HDGF: variants seen among roughly 807,000 people sequenced by gnomAD.
HDGF encodes hepatoma-derived growth factor.
In HDGF, 5 loss-of-function variants were observed where a neutral mutation model predicts 30.0. That is an observed-to-expected ratio of 0.17 (90% CI 0.09 to 0.35). The LOEUF is 0.35. Ranked by LOEUF, HDGF falls within the 10% of genes least tolerant of loss-of-function variation. HDGF has a pLI of 1.00. For synonymous variants in HDGF, 133 were observed against 112.7 expected (o/e 1.18, Z -1.14); for missense variants, 214 against 302.8 (o/e 0.71, Z 2.18).
At chr1:156,745,443 C>T (rs1650465075) in intron 1 of HDGF, 70 bp from the exon 2 acceptor site, 7 of 1,273,950 alleles carry the variant, frequency 5.5e-6, no homozygotes, top group Non-Finnish European at 7.9e-6. Context: ...GGGTGCTGAC[C>T]TCCAAGGCAC....
intron 1 of HDGF, among the ~76,000 whole-genome samples, chr1:156,761,403 G>C (rs1274657585): frequency 2.7e-5 from 4 of 150,480 alleles, no homozygotes. Flanking sequence ...GAGGTCAGGA[G>C]TTCAAGACCA....
In HDGF at chr1:156,751,633, C is replaced by T; in HGVS notation, c.-204G>A. 1 of 996,086 alleles carries T rather than the reference C, an allele frequency of 1.0e-6. No homozygotes were observed. The highest frequency in any genetic ancestry group is 1.2e-6 in the Non-Finnish European group (1 of 837,744). 61.7% of individuals were successfully genotyped at this position (996,086 alleles called of 1,614,324 possible). On this transcript the variant is annotated 5_prime_UTR_variant, in exon 1 of 6. Transcript: ENST00000357325. This position sits in a 1 kb window ranked among gnomAD's most constrained non-coding sequence, Gnocchi z 4.7. ...GGGGCGGGCGCGGATCGGGGCAAGG[C>T]TCCGGCGCGGTGGGTGCGCGCTCGT...
chr1:156,757,201 C>T (rs1307677673), upstream of HDGF, among the ~76,000 whole-genome samples: 1 of 152,070 alleles, frequency 6.6e-6, no homozygotes, highest in African/African-American at 2.4e-5. Context: ...TGTGGTGGCT[C>T]ACGCCTGTAA....
chr1:156,745,424 C>T, intron 1 of HDGF, 51 bp from the exon 2 acceptor site: 1 of 1,523,614 alleles, frequency 6.6e-7, no homozygotes, highest in Non-Finnish European at 9.0e-7. Context: ...GGTTTTGAGC[C>T]TGAGGCAGGG....
chr1:156,747,716 G>A (rs1371119430), intron 1 of HDGF, among the ~76,000 whole-genome samples: 1 of 152,172 alleles, frequency 6.6e-6, no homozygotes, highest in African/African-American at 2.4e-5. Context: ...ACCTGAGCCA[G>A]GGCATTAAGA....
At chr1:156,749,921 C>G (rs1008504616) in intron 1 of HDGF, among the ~76,000 whole-genome samples, 1 of 152,218 alleles carries the variant, frequency 6.6e-6, no homozygotes, top group Non-Finnish European at 1.5e-5. Flanking sequence ...AAGAAGCCAG[C>G]TGGGTCAAAG....
chr1:156,765,933 T>C (rs1341654547), intron 1 of HDGF, among the ~76,000 whole-genome samples: 1 of 152,202 alleles, frequency 6.6e-6, no homozygotes, highest in Non-Finnish European at 1.5e-5. Flanking sequence ...GATGGTCTAG[T>C]TTCTCAATGT....
intron 1 of HDGF, among the ~76,000 whole-genome samples, chr1:156,764,169 T>C (rs922920667): frequency 6.6e-6 from 1 of 152,098 alleles, no homozygotes; most frequent in African/African-American, 2.4e-5. Flanking sequence ...TCTCCTACCT[T>C]GGCCTCCTTA....
upstream of HDGF, chr1:156,751,927 G>A (rs773415146): frequency 6.7e-5 from 73 of 1,083,474 alleles, no homozygotes; most frequent in South Asian, 2.2e-4. This position sits in a 1 kb window ranked among gnomAD's most constrained non-coding sequence, Gnocchi z 4.7. Flanking sequence ...CGAGCACGCC[G>A]AGCAGGCTTT....
rs1336395426 is a variant in HDGF at position 156,744,156 on chromosome 1, C to T, written c.489+7G>A. ...GGGGGCCCAGGCCCTGGGCAGGCAGCAGTTACCTCCAGCAAGTCCCCTGCT... is the reference window on the plus strand; with the variant it reads ...GGGGGCCCAGGCCCTGGGCAGGCAGTAGTTACCTCCAGCAAGTCCCCTGCT... On this transcript the variant is annotated splice_region_variant and intron_variant, in intron 4 of 5. Transcript: ENST00000357325. 6.2e-7 allele frequency: 1 copy of T among 1,613,334 alleles called. No homozygotes were observed. The highest frequency in any genetic ancestry group is 2.2e-5 in the East Asian group (1 of 44,848).
upstream of HDGF, among the ~76,000 whole-genome samples, chr1:156,756,831 G>T (rs1195711414): frequency 7.0e-5 from 9 of 129,398 alleles, no homozygotes; most frequent in African/African-American, 2.4e-4. Context: ...GTCTCACTCT[G>T]TTGCCCAGGT....
chr1:156,765,241 C>T (rs61434844), intron 1 of HDGF, among the ~76,000 whole-genome samples: 6,439 of 151,158 alleles, frequency 0.043, 473 homozygotes, highest in African/African-American at 0.15. Flanking sequence ...TACAGGCGCC[C>T]GCCACCGCAC....
At chr1:156,763,834 T>G (rs1412328200) in intron 1 of HDGF, among the ~76,000 whole-genome samples, 1 of 152,118 alleles carries the variant, frequency 6.6e-6, no homozygotes, top group African/African-American at 2.4e-5. Flanking sequence ...GCAATCCACC[T>G]GCCTTGGCCT....
At chr1:156,759,386 T>C (rs2102738960) in intron 1 of HDGF, among the ~76,000 whole-genome samples, 2 of 152,306 alleles carry the variant, frequency 1.3e-5, no homozygotes, top group South Asian at 4.1e-4. Flanking sequence ...TTTACACAAA[T>C]TGTGACACAC....
intron 4 of HDGF, 105 bp from the exon 5 acceptor site, chr1:156,743,983 T>C: frequency 1.9e-6 from 2 of 1,071,872 alleles, no homozygotes; most frequent in Middle Eastern, 2.3e-4. Context: ...CCCACAGTCC[T>C]TCCCCAACCC....
chr1:156,751,978 G>C, upstream of HDGF: 1 of 1,483,172 alleles, frequency 6.7e-7, no homozygotes, highest in Admixed American at 2.0e-5. This position sits in a 1 kb window ranked among gnomAD's most constrained non-coding sequence, Gnocchi z 4.7. Context: ...CCCGGGAGGA[G>C]CTGGCGCCCG....
At position 156,743,640 on chromosome 1, in the gene HDGF, G is replaced by A. The variant is rs367902578; in HGVS notation, c.716+12C>T. Reference sequence around the variant, plus strand: ...CTAGTCCAGCTGCCAAGGGGTCAGGGGGCTCACTCACCTCTCATGATCTCT... The same window carrying A: ...CTAGTCCAGCTGCCAAGGGGTCAGGAGGCTCACTCACCTCTCATGATCTCT... On this transcript the variant is annotated intron_variant, in intron 5 of 5. Transcript: ENST00000357325. The A allele has an allele frequency of 9.4e-6, 15 of 1,602,134 alleles. No homozygotes were observed. Among genetic ancestry groups the A allele is most frequent in the Middle Eastern group, 1.7e-4 (1 of 6,010 alleles).
At position 156,764,332 on chromosome 1, in the gene HDGF, G is replaced by A. The variant is rs148384197; in HGVS notation, n.136+2458C>T. Among the ~76,000 whole-genome samples, 464 of 152,110 alleles carry A rather than the reference G, an allele frequency of 3.1e-3. 4 individuals are homozygous for A. Among genetic ancestry groups the A allele is most frequent in the African/African-American group, 0.011 (438 of 41,480 alleles). On this transcript the variant is annotated intron_variant and non_coding_transcript_variant, in intron 1 of 7. Transcript: ENST00000465180. ...AAACCTCCACCTCCCGGGTTCAAGC[G>A]ATTCTCCTGCCTCAGCCTCCTGAGT...
In HDGF at chr1:156,751,624, G is replaced by C; in HGVS notation, c.-195C>G. The C allele has an allele frequency of 1.0e-6, 1 of 986,026 alleles. No homozygotes were observed. The allele number at this position is 986,026 out of a possible 1,614,324, so 61.1% of individuals were successfully genotyped here. ...CGCACGGACGGGGCGGGCGCGGATC[G>C]GGGCAAGGCTCCGGCGCGGTGGGTG... is the stretch of plus-strand genomic sequence containing the variant. On this transcript the variant is annotated 5_prime_UTR_variant, in exon 1 of 6. Transcript: ENST00000357325. The surrounding 1 kb of genome is among the most constrained non-coding windows in gnomAD (Gnocchi z 4.7).
Sources: allele counts gnomAD v4.1 joint callset (sites outside exome capture counted in the v4.1 genomes callset), GRCh38; gene constraint gnomAD v4.1.1; non-coding constraint Gnocchi (gnomAD v3.1); transcripts MANE v1.5; gene names NCBI Gene and HGNC (gene_info 2026-07-23, HGNC 2026-07-21).